Variants in SYNPO observed in about 807,000 individuals in gnomAD.
SYNPO encodes the protein synaptopodin.
In SYNPO, 19 loss-of-function variants were observed where a neutral mutation model predicts 49.5. The ratio of observed to expected loss-of-function variants is 0.38; its 90% CI spans 0.27 to 0.56. SYNPO has a LOEUF of 0.56. Ranked by LOEUF, SYNPO falls within the 20% of genes least tolerant of loss-of-function variation. The pLI, the probability that SYNPO is intolerant of heterozygous loss-of-function variation, is 0.68. For missense variants in SYNPO, 1,131 were observed against 1,248.3 expected, an observed-to-expected ratio of 0.91 and a Z score of 1.42; for synonymous variants, 536 against 548.0, an observed-to-expected ratio of 0.98 and a Z score of 0.31.
At chr5:150,594,178 C>A in the SYNPO span, among the ~76,000 whole-genome samples, 1 of 152,128 alleles carries the variant, frequency 6.6e-6, no homozygotes, top group Non-Finnish European at 1.5e-5. Flanking sequence ...CCAGGACTTG[C>A]GGCTTGAGGG....
intron 2 of SYNPO, among the ~76,000 whole-genome samples, chr5:150,627,706 G>T (rs953108222): frequency 1.3e-5 from 2 of 152,194 alleles, no homozygotes; most frequent in African/African-American, 4.8e-5. Flanking sequence ...TCAGAACAGA[G>T]ACCTGAATCT....
intron 2 of SYNPO, among the ~76,000 whole-genome samples, chr5:150,624,164 A>G (rs1279138170): frequency 6.6e-6 from 1 of 152,196 alleles, no homozygotes; most frequent in Admixed American, 6.5e-5. Flanking sequence ...AAGTCAGGGG[A>G]TGGCAGCAGG....
intron 2 of SYNPO, among the ~76,000 whole-genome samples, chr5:150,624,508 A>G (rs1289768342): frequency 1.3e-5 from 2 of 152,152 alleles, no homozygotes; most frequent in South Asian, 2.1e-4. Flanking sequence ...ACGGAGAGAC[A>G]GACAACCAGG....
At chr5:150,590,912 C>G in the SYNPO span, among the ~76,000 whole-genome samples, 1 of 152,166 alleles carries the variant, frequency 6.6e-6, no homozygotes, top group African/African-American at 2.4e-5. Flanking sequence ...TCAGCCCAGT[C>G]CTGGTCTAAG....
chr5:150,652,511 C>T lies in SYNPO; in HGVS notation c.2028+2208C>T, dbSNP rs568654701. 17 of 679,702 alleles carry T rather than the reference C, an allele frequency of 2.5e-5. No individual in the cohort carries two copies. The African/African-American group carries it at 2.9e-4, about 12-fold the overall frequency. The allele number at this position is 679,702 out of a possible 1,614,324, so 42.1% of individuals were successfully genotyped here. On this transcript the variant is annotated intron_variant, in intron 2 of 2. Transcript: ENST00000307662. ...GTGTCTGGTTCTGCACTGGTACAGA[C>T]GTGTGCTGGGTTGGAAATGAGGGCT... is the stretch of plus-strand genomic sequence containing the variant.
rs528748291 is a variant in SYNPO at position 150,628,570 on chromosome 5, A to T, written c.400+9803A>T. On this transcript the variant is annotated intron_variant, in intron 2 of 2. Transcript: ENST00000394243. ...ATTAAATGAGATGATGATAAATGCT[A>T]AAAAAAAATGAGCTACCATTTAGGT... Among the ~76,000 whole-genome samples, 28 of 150,252 alleles carry T rather than the reference A, an allele frequency of 1.9e-4. No individual in the cohort carries two copies. The South Asian group carries it at 5.8e-3, about 31-fold the overall frequency.
chr5:150,635,163 C>A (rs1757673419), intron 2 of SYNPO, among the ~76,000 whole-genome samples: 1 of 152,276 alleles, frequency 6.6e-6, no homozygotes, highest in Admixed American at 6.5e-5. Flanking sequence ...TCCATGCCAG[C>A]CTTCCACGAG....
upstream of SYNPO, among the ~76,000 whole-genome samples, chr5:150,639,112 G>C (rs1380028506): frequency 6.6e-6 from 1 of 152,272 alleles, no homozygotes; most frequent in African/African-American, 2.4e-5. Context: ...ATGGGCAAGA[G>C]AGAGGCTGTG....
At chr5:150,645,299 G>A (rs1264714906) in intron 1 of SYNPO, among the ~76,000 whole-genome samples, 1 of 152,188 alleles carries the variant, frequency 6.6e-6, no homozygotes, top group Non-Finnish European at 1.5e-5. Flanking sequence ...GGGAGGGGAG[G>A]GCAGGGTCAG....
At chr5:150,615,999 C>T (rs1016919910) in intron 1 of SYNPO, among the ~76,000 whole-genome samples, 1 of 152,240 alleles carries the variant, frequency 6.6e-6, no homozygotes, top group Non-Finnish European at 1.5e-5. Context: ...CTGTTCTTCC[C>T]CGGGGGGCAG....
chr5:150,621,582 C>A (rs947158767), intron 2 of SYNPO, among the ~76,000 whole-genome samples: 1 of 152,134 alleles, frequency 6.6e-6, no homozygotes, highest in Non-Finnish European at 1.5e-5. Flanking sequence ...CCATTACCGC[C>A]GAAGGATTAT....
At chr5:150,651,812 G>A (rs1758397277) in intron 2 of SYNPO, 1 of 1,000,320 alleles carries the variant, frequency 1.0e-6, no homozygotes, top group South Asian at 4.7e-5. Flanking sequence ...GTTAAGTCAG[G>A]TAGCTGGAGA....
At chr5:150,599,130 A>T (rs747981217), upstream of SYNPO, among the ~76,000 whole-genome samples, 1 of 152,270 alleles carries the variant, frequency 6.6e-6, no homozygotes, top group Admixed American at 6.5e-5. Context: ...GCCAGGATCC[A>T]TTCTCAACAC....
intron 2 of SYNPO, among the ~76,000 whole-genome samples, chr5:150,655,957 G>A (rs1758536861): frequency 6.6e-6 from 1 of 152,220 alleles, no homozygotes; most frequent in Non-Finnish European, 1.5e-5. Context: ...AGCCCTTCTG[G>A]TATTTCTTTA....
At position 150,619,478 on chromosome 5, in the gene SYNPO, C is replaced by T. The variant is rs191777479; in HGVS notation, c.400+711C>T. Among the ~76,000 whole-genome samples the T allele has an allele frequency of 6.6e-5, 10 of 152,152 alleles. 1 individual carries two copies. The highest frequency in any genetic ancestry group is 5.2e-4 in the Admixed American group (8 of 15,282). ...TGGGGAGAGCACAGTGTGCGCGGCA[C>T]GGAAGGAAGGAAGGGCAGGAATGAT... On this transcript the variant is annotated intron_variant, in intron 2 of 2. Coordinates refer to the SYNPO transcript ENST00000394243.
intron 1 of SYNPO, among the ~76,000 whole-genome samples, chr5:150,612,885 T>A (rs1756886703): frequency 1.3e-5 from 2 of 152,184 alleles, no homozygotes; most frequent in Non-Finnish European, 2.9e-5. Context: ...GCTCAAGCAC[T>A]CCTCCAGCTC....
upstream of SYNPO, among the ~76,000 whole-genome samples, chr5:150,639,284 A>G (rs1757815399): frequency 6.6e-6 from 1 of 152,218 alleles, no homozygotes; most frequent in African/African-American, 2.4e-5. Flanking sequence ...CACTGCCAGC[A>G]GAGAGAAACC....
chr5:150,591,458 G>C, the SYNPO span, among the ~76,000 whole-genome samples: 7 of 152,252 alleles, frequency 4.6e-5, no homozygotes, highest in Non-Finnish European at 2.9e-5. Flanking sequence ...AAGGGACGGG[G>C]CAGGGGAGGA....
Position 150,649,909 on chromosome 5 carries a change from A to G in SYNPO, c.1634A>G (p.Tyr545Cys), listed in dbSNP as rs765030687. ...SPARTPPASL[Y>C]HGYLPENGVL... ...GCCCGGACCCCGCCTGCCTCCCTCT[A>G]CCATGGCTACCTGCCTGAGAACGGG... is the stretch of plus-strand genomic sequence containing the variant. The change falls in exon 2 of 3, where the codon TAC (tyrosine) becomes TGC (cysteine). Residue 545 changes from tyrosine (Y) to cysteine (C), a missense_variant. Around this residue, in one of 4 missense-constraint regions of SYNPO, gnomAD observed 602 missense variants for 720.7 expected, o/e 0.84. Transcript: ENST00000307662. 2 of 1,611,192 alleles carry G rather than the reference A, an allele frequency of 1.2e-6. No homozygotes were observed. Among genetic ancestry groups the G allele is most frequent in the Admixed American group, 3.3e-5 (2 of 60,026 alleles).
Sources: allele counts gnomAD v4.1 joint callset (sites outside exome capture counted in the v4.1 genomes callset), GRCh38; gene constraint gnomAD v4.1.1; regional missense constraint gnomAD v4.1.1; transcripts MANE v1.5; gene names NCBI Gene and HGNC (gene_info 2026-07-23, HGNC 2026-07-21).